The following KIAA1217 variants were observed in gnomAD, a reference collection of about 807,000 sequenced individuals.
KIAA1217 encodes sickle tail protein homolog.
KIAA1217 carries 88 observed loss-of-function variants against 163.9 expected under a neutral mutation model. The observed-to-expected ratio is 0.54, with a 90% CI of 0.45 to 0.64. The LOEUF (loss-of-function observed/expected upper bound fraction) is 0.64, where lower values mean the gene tolerates loss of function less well. KIAA1217 is among the 30% of genes least tolerant of loss of function. The pLI, the probability that KIAA1217 is intolerant of heterozygous loss-of-function variation, is 0.00. For synonymous variants in KIAA1217, 903 were observed against 923.1 expected (o/e 0.98, Z 0.39); for missense variants, 2,372 against 2,475.0 (o/e 0.96, Z 0.88).
chr10:24,092,373 C>G (rs2061967408), intron 2 of KIAA1217, among the ~76,000 whole-genome samples: 1 of 151,788 alleles, frequency 6.6e-6, no homozygotes, highest in African/African-American at 2.4e-5. Flanking sequence ...GACTATAAAG[C>G]TAAACATAGC....
intron 16 of KIAA1217, among the ~76,000 whole-genome samples, chr10:24,534,441 A>C (rs1252878462): frequency 6.6e-6 from 1 of 152,180 alleles, no homozygotes; most frequent in Admixed American, 6.5e-5. Context: ...CCTCTCTAAG[A>C]GAAATACTAA....
chr10:24,407,948 A>G (rs1418699447), intron 3 of KIAA1217, among the ~76,000 whole-genome samples: 1 of 152,154 alleles, frequency 6.6e-6, no homozygotes, highest in East Asian at 1.9e-4. Flanking sequence ...AATATAACAT[A>G]TTTCTCAATT....
At chr10:23,741,124 A>G (rs1197244571) in intron 1 of KIAA1217, among the ~76,000 whole-genome samples, 2 of 152,224 alleles carry the variant, frequency 1.3e-5, no homozygotes, top group African/African-American at 4.8e-5. Flanking sequence ...TAAGGCTGCT[A>G]GCAGAAAGAA....
In KIAA1217 at chr10:24,263,765, T is replaced by C. The variant is rs569750252; in HGVS notation, c.354+43856T>C. Among the ~76,000 whole-genome samples, 3 of 152,380 alleles carry C rather than the reference T, an allele frequency of 2.0e-5. No individual in the cohort carries two copies. In the East Asian group the frequency reaches 5.8e-4, roughly 29 times the overall value. ...CGAGATGCCTCTAACATTTTTATTA[T>C]GAAAATAATTTTTGTGTCCATTGAA... is the stretch of plus-strand genomic sequence containing the variant. On this transcript the variant is annotated intron_variant, in intron 2 of 20. Coordinates refer to ENST00000376454, the MANE Select transcript of KIAA1217 (RefSeq NM_019590.5).
At chr10:24,393,396 G>A (rs1416322843) in intron 3 of KIAA1217, among the ~76,000 whole-genome samples, 2 of 152,180 alleles carry the variant, frequency 1.3e-5, no homozygotes, top group Non-Finnish European at 2.9e-5. Context: ...TGGAGATGAG[G>A]TTCTGTCTGG....
chr10:23,726,179 C>CT (rs1219119655), intron 1 of KIAA1217, among the ~76,000 whole-genome samples: 1 of 151,858 alleles, frequency 6.6e-6, no homozygotes, highest in African/African-American at 2.4e-5. Context: ...TTAAATTCAT[C>CT]TTTTTACAGT....
At chr10:23,864,101 T>TATTATA (rs1840074559) in intron 1 of KIAA1217, among the ~76,000 whole-genome samples, 1 of 151,096 alleles carries the variant, frequency 6.6e-6, no homozygotes, top group Non-Finnish European at 1.5e-5. Flanking sequence ...TTATTATTAT[T>TATTATA]ATTCCTACTT....
intron 1 of KIAA1217, among the ~76,000 whole-genome samples, chr10:23,884,393 T>C (rs1841084462): frequency 6.6e-6 from 1 of 151,984 alleles, no homozygotes; most frequent in South Asian, 2.1e-4. Flanking sequence ...TTACCCATTC[T>C]TGATTACTCT....
intron 1 of KIAA1217, among the ~76,000 whole-genome samples, chr10:23,726,155 G>T (rs1216290482): frequency 1.3e-5 from 2 of 151,954 alleles, no homozygotes; most frequent in Admixed American, 6.6e-5. Flanking sequence ...GTCTTTCTAA[G>T]TTCTCATGGG....
intron 2 of KIAA1217, among the ~76,000 whole-genome samples, chr10:24,078,556 A>G (rs1409715470): frequency 6.6e-6 from 1 of 152,194 alleles, no homozygotes; most frequent in Non-Finnish European, 1.5e-5. Flanking sequence ...CTTGGGCCCT[A>G]ATCTTGGCAT....
intron 1 of KIAA1217, among the ~76,000 whole-genome samples, chr10:23,994,576 C>T (rs781597152): frequency 4.3e-4 from 65 of 152,082 alleles, no homozygotes; most frequent in Non-Finnish European, 4.7e-4. Context: ...TTGAAGGTGT[C>T]GCTGTGGAAG....
intron 9 of KIAA1217, among the ~76,000 whole-genome samples, chr10:24,503,505 C>G (rs1353760711): frequency 6.6e-6 from 1 of 152,142 alleles, no homozygotes; most frequent in Non-Finnish European, 1.5e-5. Context: ...GCAGTAACAG[C>G]AAGTGAAATG....
chr10:24,162,759 CT>C (rs1390330912), intron 2 of KIAA1217, among the ~76,000 whole-genome samples: 3 of 152,160 alleles, frequency 2.0e-5, no homozygotes, highest in Non-Finnish European at 4.4e-5. Context: ...TGCAGTCAAG[CT>C]TTTGGCTAGG....
At chr10:24,323,218 T>G (rs2044403545) in intron 2 of KIAA1217, among the ~76,000 whole-genome samples, 1 of 152,096 alleles carries the variant, frequency 6.6e-6, no homozygotes, top group South Asian at 2.1e-4. Flanking sequence ...AACCTCTCAG[T>G]CTTCTTTTTA....
intron 2 of KIAA1217, among the ~76,000 whole-genome samples, chr10:24,331,860 C>T (rs559657213): frequency 8.5e-5 from 13 of 152,126 alleles, no homozygotes; most frequent in Non-Finnish European, 1.6e-4. Context: ...AGTGCAATGG[C>T]GCGATCTCAG....
intron 7 of KIAA1217, 200 bp from the exon 8 acceptor site, chr10:24,494,947 C>A: frequency 1.7e-6 from 1 of 592,950 alleles, no homozygotes; most frequent in Non-Finnish European, 3.0e-6. Flanking sequence ...GTGAGCCTGG[C>A]TGCATTCCAC....
At chr10:24,304,661 C>T (rs2041802778) in intron 2 of KIAA1217, among the ~76,000 whole-genome samples, 1 of 152,056 alleles carries the variant, frequency 6.6e-6, no homozygotes, top group Non-Finnish European at 1.5e-5. Flanking sequence ...GCCTTCGAGC[C>T]CCTTCAGACA....
chr10:24,036,573 C>A (rs1848403851), intron 2 of KIAA1217, among the ~76,000 whole-genome samples: 2 of 152,130 alleles, frequency 1.3e-5, no homozygotes. Context: ...GTACATGAAG[C>A]ATAGTGCCAG....
chr10:24,026,561 A>T (rs967089930), intron 2 of KIAA1217, among the ~76,000 whole-genome samples: 31 of 151,862 alleles, frequency 2.0e-4, no homozygotes, highest in African/African-American at 7.0e-4. Context: ...AGCTATTCAT[A>T]ATTGTTTATT....
Sources: gnomAD v4.1 joint callset for allele counts (sites outside exome capture counted in the v4.1 genomes callset) on GRCh38, gnomAD v4.1.1 for gene constraint, MANE v1.5 for transcripts, NCBI Gene and HGNC (gene_info 2026-07-23, HGNC 2026-07-21) for gene names.